Variants in RIN2 observed in about 807,000 individuals in gnomAD.
RIN2 encodes the protein Ras and Rab interactor 2.
A neutral mutation model predicts 78.0 loss-of-function variants in RIN2; 36 were observed. The ratio of observed to expected loss-of-function variants is 0.46; its 90% CI spans 0.35 to 0.61. RIN2 has a LOEUF of 0.61. Among genes scored for constraint, RIN2 ranks in the 20% least tolerant of loss-of-function variants. The pLI, the probability that RIN2 is intolerant of heterozygous loss-of-function variation, is 0.00. For missense variants in RIN2, 1,087 were observed against 1,159.7 expected (o/e 0.94, Z 0.91); for synonymous variants, 466 against 466.8 (o/e 1.00, Z 0.02).
intron 1 of RIN2, among the ~76,000 whole-genome samples, chr20:19,760,196 G>C (rs1001957905): frequency 1.3e-5 from 2 of 152,206 alleles, no homozygotes; most frequent in Non-Finnish European, 2.9e-5. Flanking sequence ...GCTAGGGATG[G>C]GTAGGGTCCC....
chr20:19,975,501 C>T lies in RIN2; in HGVS notation c.1476C>T (p.Leu492=). 2 of 1,614,044 alleles carry T rather than the reference C, an allele frequency of 1.2e-6. No homozygotes were observed. Among genetic ancestry groups the T allele is most frequent in the South Asian group, 1.1e-5 (1 of 91,088 alleles). Reference sequence around the variant, plus strand: ...GCAGCTCCTTCGTGCTGCCCAAGCTCGTCAAGTCCCAGCTGCAGAAGGTGA... The same window carrying T: ...GCAGCTCCTTCGTGCTGCCCAAGCTTGTCAAGTCCCAGCTGCAGAAGGTGA... ...KRSSSFVLPK[L]VKSQLQKVSG... The change falls in exon 9 of 13, where the codon CTC becomes CTT. Residue 492 remains leucine, a synonymous_variant. Coordinates refer to ENST00000255006, the MANE Select transcript of RIN2 (RefSeq NM_018993.4). This position sits in a 1 kb window ranked among gnomAD's most constrained non-coding sequence, Gnocchi z 4.9.
At chr20:19,911,947 G>C (rs73279351) in intron 3 of RIN2, among the ~76,000 whole-genome samples, 2,554 of 147,298 alleles carry the variant, frequency 0.017, 76 homozygotes, top group African/African-American at 0.059. Flanking sequence ...CCATGGCTAT[G>C]GGTCCACAAG....
At position 19,799,626 on chromosome 20, in the gene RIN2, A is replaced by T. The variant is rs1487782018; in HGVS notation, c.-158A>T. 3 of 152,234 alleles carry T rather than the reference A, an allele frequency of 2.0e-5. No homozygotes were observed. The allele number at this position is 152,234 out of a possible 1,614,324, so 9.4% of individuals were successfully genotyped here. On this transcript the variant is annotated 5_prime_UTR_variant, in exon 2 of 13. Transcript: ENST00000255006. The stretch of plus-strand genomic sequence containing the variant: ...TGGTCAATTTTTGTGTTGTAGATGG[A>T]GACGAGAGATCTGGACTTCTGAACA...
intron 2 of RIN2, among the ~76,000 whole-genome samples, chr20:19,860,828 C>T (rs529330357): frequency 1.2e-4 from 18 of 152,334 alleles, no homozygotes; most frequent in African/African-American, 4.3e-4. Context: ...AAACCAAACT[C>T]TGATTCACCT....
Position 19,889,566 on chromosome 20 carries a change from G to T in RIN2, c.-36G>T. 6.5e-7 allele frequency: 1 copy of T among 1,548,350 alleles called. No individual in the cohort carries two copies. On this transcript the variant is annotated splice_region_variant and 5_prime_UTR_variant, in exon 3 of 13. Coordinates refer to ENST00000255006, the MANE Select transcript of RIN2 (RefSeq NM_018993.4). ...CCATTAAAAATGTCTCTACCTTCAG[G>T]AGTCCCCGGCGTGCAGTGGAGCCTC...
intron 2 of RIN2, among the ~76,000 whole-genome samples, chr20:19,829,670 A>G (rs2036195367): frequency 1.3e-5 from 2 of 152,182 alleles, no homozygotes; most frequent in South Asian, 4.1e-4. Flanking sequence ...CAGAGTTCCC[A>G]AAGTCAAGGG....
chr20:19,761,895 C>T (rs1318772706), intron 1 of RIN2, among the ~76,000 whole-genome samples: 3 of 152,172 alleles, frequency 2.0e-5, no homozygotes, highest in Admixed American at 1.3e-4. Context: ...CTGAGAATCC[C>T]CTCAAACGCA....
At chr20:19,763,004 A>T (rs1238435985) in intron 1 of RIN2, among the ~76,000 whole-genome samples, 3 of 152,098 alleles carry the variant, frequency 2.0e-5, no homozygotes, top group Non-Finnish European at 4.4e-5. Flanking sequence ...ACCTCGGGTA[A>T]TCCACCCACC....
At chr20:19,869,658 C>T (rs2037621827) in intron 2 of RIN2, among the ~76,000 whole-genome samples, 2 of 150,902 alleles carry the variant, frequency 1.3e-5, no homozygotes, top group South Asian at 4.2e-4. Flanking sequence ...CAGGGTCTCG[C>T]TCTGGGGCCC....
chr20:19,794,204 C>T (rs1322400149), intron 1 of RIN2, among the ~76,000 whole-genome samples: 2 of 152,058 alleles, frequency 1.3e-5, no homozygotes, highest in African/African-American at 4.8e-5. Context: ...TGAACTCCAC[C>T]AGTAGCAGAT....
intron 2 of RIN2, among the ~76,000 whole-genome samples, chr20:19,843,083 G>T (rs779388060): frequency 3.9e-5 from 6 of 152,134 alleles, no homozygotes; most frequent in Non-Finnish European, 1.5e-5. Context: ...TTGAATTACT[G>T]CAATCCCATG....
chr20:19,763,561 CTG>C (rs554630974), intron 1 of RIN2, among the ~76,000 whole-genome samples: 69 of 152,232 alleles, frequency 4.5e-4, no homozygotes, highest in South Asian at 4.3e-3. Context: ...TTAAATGACA[CTG>C]TTTTTTGTAG....
At chr20:19,985,240 G>T (rs752828957) in intron 9 of RIN2, among the ~76,000 whole-genome samples, 3 of 152,188 alleles carry the variant, frequency 2.0e-5, no homozygotes, top group Non-Finnish European at 2.9e-5. Flanking sequence ...TGAAGGAAAG[G>T]GTCAAGGTTT....
chr20:19,921,215 C>G (rs192002123), intron 3 of RIN2, among the ~76,000 whole-genome samples: 79 of 152,258 alleles, frequency 5.2e-4, no homozygotes, highest in African/African-American at 1.8e-3. Flanking sequence ...TGAAAGCAAA[C>G]GTTTTACACT....
At chr20:19,861,311 C>T (rs1220958436) in intron 2 of RIN2, among the ~76,000 whole-genome samples, 2 of 152,232 alleles carry the variant, frequency 1.3e-5, no homozygotes, top group African/African-American at 4.8e-5. Flanking sequence ...CTGCACTCTA[C>T]TGTCATTGTC....
At chr20:19,921,636 C>T (rs564266670) in intron 3 of RIN2, among the ~76,000 whole-genome samples, 5 of 152,134 alleles carry the variant, frequency 3.3e-5, no homozygotes, top group Non-Finnish European at 5.9e-5. Flanking sequence ...AAGAACCCAC[C>T]GAGCGGCGCC....
At position 19,996,685 on chromosome 20, in the gene RIN2, A is replaced by T; in HGVS notation, c.2207A>T (p.Tyr736Phe). 1 of 1,614,010 alleles carries T rather than the reference A, an allele frequency of 6.2e-7. No homozygotes were observed. The highest frequency in any genetic ancestry group is 8.5e-7 in the Non-Finnish European group (1 of 1,179,896). ...CTCTTTCTGCTCTTTTCAGGAGGCT[A>T]TTACTTGACAAGCGCATATGGAGCA... is the stretch of plus-strand genomic sequence containing the variant. ...DPSLLHGEGG[Y>F]YLTSAYGALS... The change falls in exon 12 of 13, where the codon TAT (tyrosine) becomes TTT (phenylalanine). Residue 736 changes from tyrosine (Y) to phenylalanine (F), a missense_variant. By Grantham distance (22) the Tyr-to-Phe change is conservative (BLOSUM62 3). Around this residue, in one of 8 missense-constraint regions of RIN2, gnomAD observed 45 missense variants for 88.1 expected, o/e 0.51. Transcript: ENST00000255006.
At chr20:19,981,454 T>C (rs2042450912) in intron 9 of RIN2, among the ~76,000 whole-genome samples, 1 of 152,212 alleles carries the variant, frequency 6.6e-6, no homozygotes, top group Non-Finnish European at 1.5e-5. Flanking sequence ...CTGCCCACAC[T>C]CAAGGGATGG....
chr20:19,777,634 T>C (rs1409055242), intron 1 of RIN2, among the ~76,000 whole-genome samples: 1 of 152,272 alleles, frequency 6.6e-6, no homozygotes, highest in African/African-American at 2.4e-5. Flanking sequence ...GCCATGATTT[T>C]TCTTATACTA....
Sources: gnomAD v4.1 joint callset for allele counts (sites outside exome capture counted in the v4.1 genomes callset) on GRCh38, gnomAD v4.1.1 for gene constraint, gnomAD v4.1.1 regional missense constraint, Gnocchi (gnomAD v3.1) non-coding constraint, MANE v1.5 for transcripts, NCBI Gene and HGNC (gene_info 2026-07-23, HGNC 2026-07-21) for gene names.